Variants in KHDRBS3 observed in about 807,000 individuals in gnomAD.
The protein encoded by KHDRBS3 is KH domain-containing, RNA-binding, signal transduction-associated protein 3.
KHDRBS3 carries 23 observed loss-of-function variants against 45.6 expected under a neutral mutation model. The ratio of observed to expected loss-of-function variants is 0.50; its 90% CI spans 0.36 to 0.72. The LOEUF (loss-of-function observed/expected upper bound fraction) is 0.72, where lower values mean the gene tolerates loss of function less well. Among genes scored for constraint, KHDRBS3 ranks in the 30% least tolerant of loss-of-function variants. KHDRBS3 has a pLI of 0.00. For missense variants in KHDRBS3, 352 were observed against 424.8 expected, an observed-to-expected ratio of 0.83 and a Z score of 1.51; for synonymous variants, 162 against 156.5, an observed-to-expected ratio of 1.04 and a Z score of -0.26.
At chr8:135,481,054 C>G (rs534142442) in intron 1 of KHDRBS3, among the ~76,000 whole-genome samples, 6 of 151,880 alleles carry the variant, frequency 4.0e-5, no homozygotes, top group African/African-American at 1.4e-4. Flanking sequence ...CCAATGAAGT[C>G]ATTCTTTTGT....
chr8:135,503,797 A>G (rs1823856194), intron 1 of KHDRBS3, among the ~76,000 whole-genome samples: 1 of 152,166 alleles, frequency 6.6e-6, no homozygotes, highest in African/African-American at 2.4e-5. Context: ...TAGGACTGCC[A>G]CAATTGATTG....
chr8:135,500,642 T>A (rs1435823805), intron 1 of KHDRBS3, among the ~76,000 whole-genome samples: 1 of 152,190 alleles, frequency 6.6e-6, no homozygotes, highest in Non-Finnish European at 1.5e-5. Flanking sequence ...GTGGTTTAGT[T>A]AAGGTCACTC....
intron 1 of KHDRBS3, among the ~76,000 whole-genome samples, chr8:135,487,490 C>T (rs1470196385): frequency 1.3e-5 from 2 of 152,118 alleles, no homozygotes; most frequent in Non-Finnish European, 2.9e-5. Context: ...TCAAGATGTA[C>T]ATAGACATGA....
In KHDRBS3 at chr8:135,611,668, A is replaced by C. The variant is rs1047418944; in HGVS notation, c.890+4631A>C. On this transcript the variant is annotated intron_variant, in intron 7 of 8. Coordinates refer to ENST00000355849, the MANE Select transcript of KHDRBS3 (RefSeq NM_006558.3). ...AATTTTCTTTTCTTTGAAGGACACC[A>C]GTCAGATTGGATTAGAACCCACTCT... Among the ~76,000 whole-genome samples, 4 of 151,868 alleles carry C rather than the reference A, an allele frequency of 2.6e-5. 1 individual carries two copies. The highest frequency in any genetic ancestry group is 9.7e-5 in the African/African-American group (4 of 41,130).
chr8:135,566,120 G>T (rs556023078), intron 5 of KHDRBS3, among the ~76,000 whole-genome samples: 60 of 152,266 alleles, frequency 3.9e-4, no homozygotes, highest in Non-Finnish European at 7.1e-4. Context: ...TATACATGAT[G>T]AAAGTAGACT....
In KHDRBS3 at chr8:135,614,886, C is replaced by T. The variant is rs901112528; in HGVS notation, c.890+7849C>T. Among the ~76,000 whole-genome samples, 24 of 151,888 alleles carry T rather than the reference C, an allele frequency of 1.6e-4. 1 individual carries two copies. The highest frequency in any genetic ancestry group is 5.6e-4 in the African/African-American group (23 of 41,236). ...GGACTTTGCAGTGGGGAAGAGAGAC[C>T]GGGCTCCACTCTGCATCTAGCATTG... On this transcript the variant is annotated intron_variant, in intron 7 of 8. Transcript: ENST00000355849.
At chr8:135,619,983 G>A (rs1297661441) in intron 7 of KHDRBS3, among the ~76,000 whole-genome samples, 1 of 152,028 alleles carries the variant, frequency 6.6e-6, no homozygotes. Context: ...AATATTGCTA[G>A]TGCTAGCAAG....
At chr8:135,501,592 A>T (rs928538055) in intron 1 of KHDRBS3, among the ~76,000 whole-genome samples, 2 of 152,212 alleles carry the variant, frequency 1.3e-5, no homozygotes, top group African/African-American at 2.4e-5. Context: ...ACATAAAGTC[A>T]TACTATATTT....
chr8:135,594,214 A>G (rs1175070555), intron 6 of KHDRBS3, among the ~76,000 whole-genome samples: 1 of 152,266 alleles, frequency 6.6e-6, no homozygotes, highest in African/African-American at 2.4e-5. Flanking sequence ...CAATTTTAAA[A>G]TAGAACTACA....
At chr8:135,566,560 A>G (rs1408791754) in intron 5 of KHDRBS3, among the ~76,000 whole-genome samples, 1 of 152,198 alleles carries the variant, frequency 6.6e-6, no homozygotes, top group East Asian at 1.9e-4. Flanking sequence ...CTTCATTATT[A>G]AAGTTTTATT....
intron 2 of KHDRBS3, among the ~76,000 whole-genome samples, chr8:135,527,012 A>G (rs12334981): frequency 0.038 from 5,766 of 152,134 alleles, 353 homozygotes; most frequent in African/African-American, 0.13. Context: ...TAAACCCCAA[A>G]TCAACATTGG....
rs796654438 is a variant in KHDRBS3 at position 135,636,180 on chromosome 8, A to G, written c.891-8879A>G. On this transcript the variant is annotated intron_variant, in intron 7 of 8. Transcript: ENST00000355849. Reference sequence around the variant, plus strand: ...GAAAAGGCAGCTAGTTGGCCTCACAATGTAAGAAATGGCCCCAGGTGCTTT... The same window carrying G: ...GAAAAGGCAGCTAGTTGGCCTCACAGTGTAAGAAATGGCCCCAGGTGCTTT... Among the ~76,000 whole-genome samples the G allele has an allele frequency of 1.4e-4, 21 of 152,278 alleles. 1 individual carries two copies. The highest frequency in any genetic ancestry group is 4.3e-4 in the African/African-American group (18 of 41,556).
intron 1 of KHDRBS3, among the ~76,000 whole-genome samples, chr8:135,462,302 TAC>T: frequency 6.6e-6 from 1 of 152,108 alleles, no homozygotes; most frequent in Admixed American, 6.5e-5. Flanking sequence ...CTGAGTTTTA[TAC>T]AGTGTATTAT....
intron 5 of KHDRBS3, among the ~76,000 whole-genome samples, chr8:135,574,302 G>A (rs1827852899): frequency 6.6e-6 from 1 of 151,798 alleles, no homozygotes; most frequent in South Asian, 2.1e-4. Flanking sequence ...TGCTATTGCT[G>A]CTTAATACCA....
intron 4 of KHDRBS3, chr8:135,549,452 T>C (rs1389160090): frequency 6.6e-6 from 1 of 152,248 alleles, no homozygotes; most frequent in African/African-American, 2.4e-5. Flanking sequence ...CCAAGTATTT[T>C]GGATGTTTTG....
At chr8:135,514,886 A>G (rs958527802) in intron 1 of KHDRBS3, among the ~76,000 whole-genome samples, 3 of 152,188 alleles carry the variant, frequency 2.0e-5, no homozygotes, top group African/African-American at 7.2e-5. Context: ...ATTTAAGTCA[A>G]ACACACAGCC....
At chr8:135,555,504 A>G (rs1038741820) in intron 4 of KHDRBS3, among the ~76,000 whole-genome samples, 2 of 151,962 alleles carry the variant, frequency 1.3e-5, no homozygotes, top group African/African-American at 4.8e-5. Context: ...AGAGTTGTAT[A>G]GTTTTAGTTA....
intron 7 of KHDRBS3, among the ~76,000 whole-genome samples, chr8:135,612,675 C>T (rs1274117089): frequency 6.6e-6 from 1 of 151,846 alleles, no homozygotes; most frequent in African/African-American, 2.4e-5. Context: ...AAGAATTCTT[C>T]ACTTGGCCTC....
At chr8:135,610,516 G>A (rs745579449) in intron 7 of KHDRBS3, among the ~76,000 whole-genome samples, 1 of 146,018 alleles carries the variant, frequency 6.8e-6, no homozygotes, top group Non-Finnish European at 1.5e-5. Context: ...GGAATACAAA[G>A]ATTATTAAGA....
Sources: gnomAD v4.1 joint callset for allele counts (sites outside exome capture counted in the v4.1 genomes callset) on GRCh38, gnomAD v4.1.1 for gene constraint, MANE v1.5 for transcripts, NCBI Gene and HGNC (gene_info 2026-07-23, HGNC 2026-07-21) for gene names.